The following FER1L6 variants were observed in gnomAD, a reference collection of about 807,000 sequenced individuals.
FER1L6 encodes fer-1 like family member 6, also known as fer-1-like protein 6.
In FER1L6, 177 loss-of-function variants were observed where a neutral mutation model predicts 219.2. The ratio of observed to expected loss-of-function variants is 0.81; its 90% CI spans 0.71 to 0.91. FER1L6 has a LOEUF of 0.91. FER1L6 is among the 40% of genes least tolerant of loss of function. FER1L6 has a pLI of 0.00. For missense variants in FER1L6, 2,153 were observed against 2,259.9 expected (o/e 0.95, Z 0.96); for synonymous variants, 768 against 824.3 (o/e 0.93, Z 1.17).
At chr8:124,109,379 G>T (rs916573349) in intron 39 of FER1L6, among the ~76,000 whole-genome samples, 1 of 152,176 alleles carries the variant, frequency 6.6e-6, no homozygotes, top group Admixed American at 6.5e-5. Context: ...GTGGCTGACA[G>T]AAGGGAAGAT....
chr8:123,953,878 C>T (rs962362202), intron 1 of FER1L6, among the ~76,000 whole-genome samples: 4 of 152,100 alleles, frequency 2.6e-5, no homozygotes, highest in Admixed American at 1.3e-4. Flanking sequence ...GGCTTGGGAA[C>T]GACCCTTTGA....
chr8:123,934,772 G>T (rs1252301010), intron 1 of FER1L6, among the ~76,000 whole-genome samples: 1 of 152,090 alleles, frequency 6.6e-6, no homozygotes, highest in Non-Finnish European at 1.5e-5. Flanking sequence ...GGGGGGGAGG[G>T]GTCCTGGTGG....
chr8:123,945,249 G>A (rs6986596), intron 1 of FER1L6, among the ~76,000 whole-genome samples: 114,829 of 152,110 alleles, frequency 0.75, 44,412 homozygotes, highest in African/African-American at 0.93. Context: ...CTGAAATCCC[G>A]AGGATAGTGA....
intron 18 of FER1L6, among the ~76,000 whole-genome samples, chr8:124,031,517 G>A (rs993156883): frequency 1.3e-5 from 2 of 152,164 alleles, no homozygotes; most frequent in Admixed American, 1.3e-4. Context: ...ATGGGCTACA[G>A]TTACACAAGA....
intron 31 of FER1L6, among the ~76,000 whole-genome samples, chr8:124,073,913 T>G (rs2130881557): frequency 6.6e-6 from 1 of 152,334 alleles, no homozygotes; most frequent in Admixed American, 6.5e-5. Context: ...GGAAGGACTG[T>G]TTTGCATTGT....
Position 124,049,658 on chromosome 8 carries a change from G to A in FER1L6, c.2776G>A (p.Ala926Thr). Residue 926 changes from alanine to threonine, a missense_variant, in exon 22 of 41, where the codon GCT (alanine) becomes ACT (threonine). Physicochemically the swap from Ala to Thr is moderately conservative, Grantham distance 58. Transcript: ENST00000522917. ...AGTGGCTGCTCCTGTTGTGAAGCTG[G>A]CTGACCAGGACTATGAGCCCCCCAG... ...ATVAAPVVKL[A>T]DQDYEPPRLC... 3.1e-6 allele frequency: 5 copies of A among 1,613,970 alleles called. No individual in the cohort carries two copies. Among genetic ancestry groups the A allele is most frequent in the Non-Finnish European group, 3.4e-6 (4 of 1,179,996 alleles).
intron 3 of FER1L6, among the ~76,000 whole-genome samples, chr8:123,964,030 C>T (rs931414559): frequency 6.6e-6 from 1 of 152,220 alleles, no homozygotes; most frequent in Non-Finnish European, 1.5e-5. Flanking sequence ...ACTGCTTCAG[C>T]TGAGACCGGC....
intron 1 of FER1L6, among the ~76,000 whole-genome samples, chr8:123,874,815 G>A (rs976882537): frequency 4.6e-5 from 7 of 152,012 alleles, no homozygotes; most frequent in Admixed American, 3.3e-4. Flanking sequence ...ATGTATAAAC[G>A]TGCCATAATA....
rs1448158115 is a variant in FER1L6, at chr8:123,855,848, C to T, written c.-8+3663C>T. The stretch of plus-strand genomic sequence containing the variant: ...GTAGGGCTGGTCATATGGGCCAGCC[C>T]CATATGACCCTAATATATTATGTAT... On this transcript the variant is annotated intron_variant, in intron 1 of 40. Coordinates refer to ENST00000522917, the MANE Select transcript of FER1L6 (RefSeq NM_001039112.2). 3.4e-5 allele frequency among the ~76,000 whole-genome samples: 5 copies of T among 145,326 alleles called. No homozygotes were observed. In the Admixed American group the frequency reaches 3.5e-4, roughly 10 times the overall value.
At chr8:123,865,483 C>A (rs1466073379) in intron 1 of FER1L6, among the ~76,000 whole-genome samples, 4 of 151,458 alleles carry the variant, frequency 2.6e-5, no homozygotes, top group Non-Finnish European at 4.4e-5. Context: ...GGCATGCAGA[C>A]CTCCTTGAGC....
At position 123,986,180 on chromosome 8, in the gene FER1L6, A is replaced by G. The variant is rs555111118; in HGVS notation, c.1519+4A>G. 8 of 1,537,568 alleles carry G rather than the reference A, an allele frequency of 5.2e-6. No individual in the cohort carries two copies. The African/African-American group carries it at 9.5e-5, about 18-fold the overall frequency. ...ATCAGCTTTGAAGTTTCTATTGGTA[A>G]GTACAGATAAGCACAGTGCCAGGCA... is the stretch of plus-strand genomic sequence containing the variant. On this transcript the variant is annotated splice_donor_region_variant and intron_variant, in intron 12 of 40. Coordinates refer to ENST00000522917, the MANE Select transcript of FER1L6 (RefSeq NM_001039112.2).
chr8:124,067,916 C>A (rs942054625), intron 28 of FER1L6, 110 bp downstream of exon 28: 1 of 821,614 alleles, frequency 1.2e-6, no homozygotes, highest in Non-Finnish European at 2.0e-6. Flanking sequence ...CCTCCTTTCC[C>A]GAGTTTAGAA....
At chr8:123,878,849 GT>G (rs1165188269) in intron 1 of FER1L6, among the ~76,000 whole-genome samples, 1 of 152,104 alleles carries the variant, frequency 6.6e-6, no homozygotes, top group African/African-American at 2.4e-5. Flanking sequence ...TATAAAAAAT[GT>G]TTTCACTTTT....
chr8:123,864,744 C>T (rs547724150), intron 1 of FER1L6, among the ~76,000 whole-genome samples: 1 of 149,940 alleles, frequency 6.7e-6, no homozygotes, highest in Non-Finnish European at 1.5e-5. Flanking sequence ...TCTTCCATTG[C>T]TGATACCCTT....
intron 2 of FER1L6, 150 bp downstream of exon 2, chr8:123,956,224 T>C: frequency 1.3e-6 from 1 of 745,464 alleles, no homozygotes; most frequent in South Asian, 1.8e-5. Flanking sequence ...TAGTCACAGG[T>C]GTGGGCCCAA....
chr8:123,937,189 G>A (rs982886382), intron 1 of FER1L6, among the ~76,000 whole-genome samples: 1 of 152,184 alleles, frequency 6.6e-6, no homozygotes, highest in Admixed American at 6.5e-5. Flanking sequence ...TTACAGGCGT[G>A]AGCCACCATG....
chr8:123,977,956 G>A (rs1586545060), intron 10 of FER1L6, among the ~76,000 whole-genome samples: 1 of 152,226 alleles, frequency 6.6e-6, no homozygotes, highest in South Asian at 2.1e-4. Flanking sequence ...CATCTCTTGC[G>A]GCCCAGTTCC....
chr8:123,955,030 A>C (rs1814953856), intron 1 of FER1L6, among the ~76,000 whole-genome samples: 1 of 152,146 alleles, frequency 6.6e-6, no homozygotes, highest in South Asian at 2.1e-4. Context: ...CCAGCTCAGA[A>C]AGGGGTTCTG....
intron 1 of FER1L6, among the ~76,000 whole-genome samples, chr8:123,937,986 G>T (rs1312408996): frequency 6.6e-6 from 1 of 152,144 alleles, no homozygotes; most frequent in Non-Finnish European, 1.5e-5. Flanking sequence ...TCTAAAAATA[G>T]TTCTACTTAC....
Sources: allele counts gnomAD v4.1 joint callset (sites outside exome capture counted in the v4.1 genomes callset), GRCh38; gene constraint gnomAD v4.1.1; transcripts MANE v1.5; gene names NCBI Gene and HGNC (gene_info 2026-07-23, HGNC 2026-07-21).